CSMD1: variants seen among roughly 807,000 people sequenced by gnomAD.
CSMD1 encodes the protein CUB and sushi domain-containing protein 1.
CSMD1 carries 213 observed loss-of-function variants against 417.5 expected under a neutral mutation model. The observed-to-expected ratio is 0.51, with a 90% CI of 0.46 to 0.57. The LOEUF is 0.57. CSMD1 is among the 20% of genes least tolerant of loss of function. CSMD1 has a pLI of 0.00. For synonymous variants in CSMD1, 2,862 were observed against 1,736.8 expected, an observed-to-expected ratio of 1.65 and a Z score of -16.11; for missense variants, 6,923 against 4,529.7, an observed-to-expected ratio of 1.53 and a Z score of -15.17.
chr8:3,947,218 G>A (rs985376056), intron 5 of CSMD1, among the ~76,000 whole-genome samples: 1 of 152,182 alleles, frequency 6.6e-6, no homozygotes, highest in Admixed American at 6.5e-5. Context: ...CTAGTCAGCT[G>A]AAAAGCTGCA....
At chr8:4,891,684 CT>C (rs765248816) in intron 1 of CSMD1, among the ~76,000 whole-genome samples, 14 of 152,020 alleles carry the variant, frequency 9.2e-5, no homozygotes, top group Non-Finnish European at 1.6e-4. Context: ...ATCCTAAGGG[CT>C]TATATTAATG....
At chr8:3,506,394 T>A (rs775906118) in intron 10 of CSMD1, among the ~76,000 whole-genome samples, 3 of 152,082 alleles carry the variant, frequency 2.0e-5, no homozygotes, top group Non-Finnish European at 4.4e-5. Context: ...AGTAAACACG[T>A]TTTTACACAT....
chr8:3,760,953 T>A (rs746216012), intron 5 of CSMD1, among the ~76,000 whole-genome samples: 19 of 145,288 alleles, frequency 1.3e-4, no homozygotes, highest in Non-Finnish European at 1.8e-4. Context: ...ATAAAAGATG[T>A]GCTTTTTCTT....
chr8:3,076,201 G>A (rs1250615457), intron 49 of CSMD1, among the ~76,000 whole-genome samples: 1 of 152,210 alleles, frequency 6.6e-6, no homozygotes, highest in Non-Finnish European at 1.5e-5. Context: ...CCCACCGCAG[G>A]TGTCGGCGGG....
intron 3 of CSMD1, among the ~76,000 whole-genome samples, chr8:4,159,103 A>G (rs2131087870): frequency 6.6e-6 from 1 of 152,108 alleles, no homozygotes. Context: ...TTTAGTAGAG[A>G]CGAGGCTTCT....
chr8:4,149,957 G>A (rs907334030), intron 3 of CSMD1, among the ~76,000 whole-genome samples: 9 of 152,156 alleles, frequency 5.9e-5, no homozygotes, highest in African/African-American at 2.2e-4. Flanking sequence ...TCTGTGATGT[G>A]GTACACAAAG....
chr8:4,519,591 T>C (rs1452964681), intron 2 of CSMD1, among the ~76,000 whole-genome samples: 1 of 150,780 alleles, frequency 6.6e-6, no homozygotes, highest in Non-Finnish European at 1.5e-5. Flanking sequence ...AACACCAAAA[T>C]TAGCCCGACA....
chr8:4,769,365 T>A (rs1244790735), intron 1 of CSMD1, among the ~76,000 whole-genome samples: 1 of 152,200 alleles, frequency 6.6e-6, no homozygotes, highest in Admixed American at 6.5e-5. Context: ...TTTTATTCAA[T>A]GAGGGAATTA....
At chr8:3,551,602 T>TAA (rs1798917895) in intron 10 of CSMD1, among the ~76,000 whole-genome samples, 3 of 126,616 alleles carry the variant, frequency 2.4e-5, no homozygotes, top group Non-Finnish European at 5.0e-5. Context: ...ATATATTTTT[T>TAA]TTTTTTTTTT....
intron 10 of CSMD1, among the ~76,000 whole-genome samples, chr8:3,530,722 T>C (rs1024959890): frequency 2.0e-5 from 3 of 152,080 alleles, no homozygotes; most frequent in Non-Finnish European, 4.4e-5. Flanking sequence ...GTAGAGACAG[T>C]TTCACCATGT....
chr8:3,246,132 T>C (rs1042063714), intron 26 of CSMD1, among the ~76,000 whole-genome samples: 1 of 152,164 alleles, frequency 6.6e-6, no homozygotes, highest in African/African-American at 2.4e-5. Context: ...ATGTCACTTC[T>C]TTATTTAAAA....
At chr8:4,612,780 A>G (rs1327382983) in intron 2 of CSMD1, among the ~76,000 whole-genome samples, 1 of 152,236 alleles carries the variant, frequency 6.6e-6, no homozygotes, top group African/African-American at 2.4e-5. Context: ...CTCAACAAAC[A>G]GCACCAGTAA....
At chr8:4,467,043 T>C (rs140245643) in intron 2 of CSMD1, among the ~76,000 whole-genome samples, 325 of 149,282 alleles carry the variant, frequency 2.2e-3, no homozygotes, top group African/African-American at 7.5e-3. Context: ...GTCTGTTTCA[T>C]GGCAGAACAA....
At chr8:4,043,894 C>A (rs1043100254) in intron 3 of CSMD1, among the ~76,000 whole-genome samples, 2 of 152,158 alleles carry the variant, frequency 1.3e-5, no homozygotes, top group Admixed American at 1.3e-4. Context: ...TAAGATAACA[C>A]AGATAAACCT....
At chr8:3,879,854 T>C (rs777884878) in intron 5 of CSMD1, among the ~76,000 whole-genome samples, 20 of 150,702 alleles carry the variant, frequency 1.3e-4, no homozygotes, top group African/African-American at 4.4e-4. Context: ...TGTGTGTGTG[T>C]TGCGTTTTAG....
At chr8:3,854,822 A>T (rs117395080) in intron 5 of CSMD1, among the ~76,000 whole-genome samples, 2,278 of 152,276 alleles carry the variant, frequency 0.015, 35 homozygotes, top group Non-Finnish European at 0.019. Context: ...AATATTACTA[A>T]ACATAACAAA....
intron 5 of CSMD1, among the ~76,000 whole-genome samples, chr8:3,829,836 A>C (rs1275792853): frequency 6.6e-6 from 1 of 152,200 alleles, no homozygotes; most frequent in Non-Finnish European, 1.5e-5. Flanking sequence ...CGTTTTAAGA[A>C]AGCTCTTTTT....
At chr8:2,968,037 T>C (rs1435724827) in intron 57 of CSMD1, among the ~76,000 whole-genome samples, 1 of 152,230 alleles carries the variant, frequency 6.6e-6, no homozygotes, top group Non-Finnish European at 1.5e-5. Flanking sequence ...ACAGACCTAT[T>C]AGTAGTTTCC....
At chr8:4,934,744 T>C (rs1255321246) in intron 1 of CSMD1, among the ~76,000 whole-genome samples, 2 of 152,196 alleles carry the variant, frequency 1.3e-5, no homozygotes, top group African/African-American at 4.8e-5. Flanking sequence ...ATAAACTATC[T>C]ATATCTATCT....
Sources: allele counts gnomAD v4.1 joint callset (sites outside exome capture counted in the v4.1 genomes callset), GRCh38; gene constraint gnomAD v4.1.1; transcripts MANE v1.5; gene names NCBI Gene and HGNC (gene_info 2026-07-23, HGNC 2026-07-21).